Variants in PSAP observed in about 807,000 individuals in gnomAD.
PSAP encodes precursor of saposins.
Under a neutral mutation model 66.0 loss-of-function variants are expected in PSAP, and 25 were observed. That is an observed-to-expected ratio of 0.38 (90% CI 0.28 to 0.53). PSAP has a LOEUF of 0.53. Ranked by LOEUF, PSAP falls within the 20% of genes least tolerant of loss-of-function variation. The probability of loss-of-function intolerance (pLI) is 0.83; values close to 1 mark genes in which losing one functional copy is unlikely to be tolerated. For missense variants in PSAP, 649 were observed against 668.8 expected, an observed-to-expected ratio of 0.97 and a Z score of 0.33; for synonymous variants, 273 against 258.9, an observed-to-expected ratio of 1.05 and a Z score of -0.52.
chr10:71,840,240 A>T (rs989414206), intron 1 of PSAP, among the ~76,000 whole-genome samples: 3 of 151,966 alleles, frequency 2.0e-5, no homozygotes, highest in Admixed American at 6.5e-5. Flanking sequence ...TGACAATCAG[A>T]GCCTACATTC....
intron 1 of PSAP, among the ~76,000 whole-genome samples, chr10:71,840,140 A>G (rs1842708162): frequency 6.6e-6 from 1 of 152,216 alleles, no homozygotes; most frequent in African/African-American, 2.4e-5. Context: ...TTCCTTTTAA[A>G]TATTTTAGTA....
rs763529106 is a variant in PSAP at position 71,819,839 on chromosome 10, T to C, written c.1067A>G (p.Glu356Gly). The change falls in exon 10 of 14, where the codon GAG becomes GGG. Residue 356 changes from glutamate to glycine, a missense_variant. Coordinates refer to ENST00000394936, the MANE Select transcript of PSAP (RefSeq NM_002778.4). ...CSKLPKSLSE[E>G]CQEVVDTYGS... ...GTACGTGTCCACCACCTCCTGGCACTCTTCCGACAGGGACTTCGGCAGCTT... is the reference window on the plus strand; with the variant it reads ...GTACGTGTCCACCACCTCCTGGCACCCTTCCGACAGGGACTTCGGCAGCTT... 33 of 1,614,064 alleles carry C rather than the reference T, an allele frequency of 2.0e-5. No homozygotes were observed. The highest frequency in any genetic ancestry group is 2.5e-5 in the Non-Finnish European group (29 of 1,180,026).
At chr10:71,821,459 A>C (rs1343725864) in intron 8 of PSAP, among the ~76,000 whole-genome samples, 1 of 152,216 alleles carries the variant, frequency 6.6e-6, no homozygotes. Flanking sequence ...ACATGTACTT[A>C]GTATACAGGC....
intron 1 of PSAP, among the ~76,000 whole-genome samples, chr10:71,847,213 G>C (rs1842839455): frequency 6.6e-6 from 1 of 152,118 alleles, no homozygotes; most frequent in African/African-American, 2.4e-5. Context: ...CCAGCACTTT[G>C]GGAGGCCGAG....
At chr10:71,839,575 C>A (rs1273770615) in intron 1 of PSAP, among the ~76,000 whole-genome samples, 1 of 152,156 alleles carries the variant, frequency 6.6e-6, no homozygotes, top group Admixed American at 6.6e-5. Flanking sequence ...GATTTCAGGG[C>A]CATGTGCGGT....
intron 1 of PSAP, among the ~76,000 whole-genome samples, chr10:71,846,455 C>T (rs1227699186): frequency 6.8e-6 from 1 of 147,362 alleles, no homozygotes; most frequent in African/African-American, 2.5e-5. Context: ...CCAGGTGCGG[C>T]GACTCACGCC....
At chr10:71,844,681 A>G (rs1166739125) in intron 1 of PSAP, 1 of 152,194 alleles carries the variant, frequency 6.6e-6, no homozygotes. Flanking sequence ...AAGAAATTAC[A>G]TAAATGGAAT....
rs963710059 is a variant in PSAP, at chr10:71,834,941, A to T, written c.41-436T>A. On this transcript the variant is annotated intron_variant, in intron 1 of 13. Transcript: ENST00000394936. The stretch of plus-strand genomic sequence containing the variant: ...CAACTGTAGAATGAAGGGTTTTTTT[A>T]AAAAAGAAAAACAGGCTGGGCACGG... 2.6e-5 allele frequency among the ~76,000 whole-genome samples: 4 copies of T among 152,220 alleles called. 1 individual carries two copies. The South Asian group carries it at 6.2e-4, about 24-fold the overall frequency.
At chr10:71,846,044 G>A (rs775183146) in intron 1 of PSAP, among the ~76,000 whole-genome samples, 1 of 152,282 alleles carries the variant, frequency 6.6e-6, no homozygotes, top group South Asian at 2.1e-4. Context: ...CTGTGCTGTT[G>A]GGGACAAAGA....
At chr10:71,844,422 T>TGAGG (rs1842783230) in intron 1 of PSAP, among the ~76,000 whole-genome samples, 3 of 152,130 alleles carry the variant, frequency 2.0e-5, no homozygotes, top group Admixed American at 1.3e-4. Flanking sequence ...TCCCAGCACT[T>TGAGG]TGGGGGGCTG....
At position 71,834,388 on chromosome 10, in the gene PSAP, C is replaced by CA; in HGVS notation, c.157dup (p.Trp53LeufsTer23). The stretch of plus-strand genomic sequence containing the variant: ...GGCACTCACCACTGTTGGCTTGTTC[C>CA]AAACGGTCTGCAGGCAGTGCTTCAC... On this transcript the variant is annotated frameshift_variant, in exon 2 of 14. Transcript: ENST00000394936. LOFTEE classifies it high-confidence loss of function. The CA allele has an allele frequency of 6.2e-7, 1 of 1,613,868 alleles. No homozygotes were observed.
chr10:71,829,098 C>T (rs1405929011), intron 4 of PSAP, 21 bp from the exon 5 acceptor site: 1 of 1,607,662 alleles, frequency 6.2e-7, no homozygotes, highest in Non-Finnish European at 8.5e-7. Context: ...GGAAAGAAGT[C>T]CTGCTGAAAA....
chr10:71,828,844 A>G, intron 5 of PSAP, 33 bp downstream of exon 5: 1 of 1,612,416 alleles, frequency 6.2e-7, no homozygotes, highest in African/African-American at 1.3e-5. Context: ...TGCAACCAAA[A>G]ATGGGTCCTC....
At chr10:71,823,909 A>C in intron 7 of PSAP, 1 of 1,296,548 alleles carries the variant, frequency 7.7e-7, no homozygotes, top group Non-Finnish European at 1.0e-6. Context: ...GTTGAACAAA[A>C]AAACAGGAAA....
chr10:71,842,114 G>A (rs961350392), intron 1 of PSAP, among the ~76,000 whole-genome samples: 1 of 152,048 alleles, frequency 6.6e-6, no homozygotes, highest in Non-Finnish European at 1.5e-5. Context: ...CCAAAACGCC[G>A]AGCATCCCAG....
At chr10:71,850,610 G>C (rs1240332529) in intron 1 of PSAP, among the ~76,000 whole-genome samples, 3 of 152,198 alleles carry the variant, frequency 2.0e-5, no homozygotes, top group African/African-American at 7.2e-5. Context: ...ACTCATATTT[G>C]CCTCAGAATA....
chr10:71,816,789 T>G lies in PSAP; in HGVS notation c.*652A>C. ...AACCCACAGAACCCCAAACAAGGCA[T>G]CACCAGGAAAGACACGGGAAAGCCA... On this transcript the variant is annotated 3_prime_UTR_variant, in exon 14 of 14. Transcript: ENST00000394936. The G allele has an allele frequency of 4.6e-6, 1 of 215,590 alleles. No homozygotes were observed. Among genetic ancestry groups the G allele is most frequent in the Non-Finnish European group, 9.7e-6 (1 of 102,712 alleles). The allele number at this position is 215,590 out of a possible 1,614,324, so 13.4% of individuals were successfully genotyped here.
intron 1 of PSAP, among the ~76,000 whole-genome samples, chr10:71,840,100 C>T (rs533136208): frequency 1.3e-5 from 2 of 151,904 alleles, no homozygotes; most frequent in Non-Finnish European, 2.9e-5. Flanking sequence ...AACAATCAGT[C>T]TCATTATTTT....
chr10:71,823,926 G>A (rs1227977662), intron 7 of PSAP: 1 of 1,291,566 alleles, frequency 7.7e-7, no homozygotes, highest in Non-Finnish European at 1.0e-6. Context: ...GAAATCGGAG[G>A]TGAAAATAAG....
Sources: gnomAD v4.1 joint callset for allele counts (sites outside exome capture counted in the v4.1 genomes callset) on GRCh38, gnomAD v4.1.1 for gene constraint, MANE v1.5 for transcripts, NCBI Gene and HGNC (gene_info 2026-07-23, HGNC 2026-07-21) for gene names.